The following DAAM1 variants were observed in gnomAD, a reference collection of about 807,000 sequenced individuals.
DAAM1 encodes the protein disheveled-associated activator of morphogenesis 1.
DAAM1 carries 52 observed loss-of-function variants against 130.0 expected under a neutral mutation model. The observed-to-expected ratio is 0.40, with a 90% CI of 0.32 to 0.50. The LOEUF is 0.50. Ranked by LOEUF, DAAM1 falls within the 20% of genes least tolerant of loss-of-function variation. The probability of loss-of-function intolerance (pLI) is 0.61; values close to 1 mark genes in which losing one functional copy is unlikely to be tolerated. For synonymous variants in DAAM1, 452 were observed against 444.5 expected (o/e 1.02, Z -0.21); for missense variants, 1,134 against 1,303.8 (o/e 0.87, Z 2.01).
At chr14:59,362,967 G>A (rs965353656) in intron 22 of DAAM1, 6 of 152,394 alleles carry the variant, frequency 3.9e-5, no homozygotes, top group Admixed American at 3.9e-4. Context: ...CTCACTCATA[G>A]GGATGTTGTG....
intron 15 of DAAM1, chr14:59,338,406 T>G (rs1566711833): frequency 6.2e-7 from 1 of 1,613,750 alleles, no homozygotes. Flanking sequence ...GAACAGTAAC[T>G]CCAAGCAGGT....
chr14:59,253,291 A>G (rs527265569), intron 1 of DAAM1, among the ~76,000 whole-genome samples: 3 of 152,188 alleles, frequency 2.0e-5, no homozygotes, highest in Non-Finnish European at 4.4e-5. Flanking sequence ...GCGGCTGCCT[A>G]TGTGATATTG....
chr14:59,197,917 GA>G (rs1887956756), intron 1 of DAAM1, among the ~76,000 whole-genome samples: 1 of 152,148 alleles, frequency 6.6e-6, no homozygotes, highest in Non-Finnish European at 1.5e-5. Context: ...CTTAGAATGA[GA>G]GCTGTGAGGC....
chr14:59,324,534 G>T, intron 8 of DAAM1, 80 bp downstream of exon 8: 2 of 792,480 alleles, frequency 2.5e-6, no homozygotes, highest in Non-Finnish European at 1.8e-6. Flanking sequence ...GTGCTGGCCT[G>T]TGGTTACTTG....
rs1888984949 is a variant in DAAM1 at position 59,227,707 on chromosome 14, T to C, written c.-37-35734T>C. 2.0e-5 allele frequency among the ~76,000 whole-genome samples: 3 copies of C among 152,178 alleles called. No homozygotes were observed. In the South Asian group the frequency reaches 6.2e-4, roughly 32 times the overall value. ...ACATGATTAGGAGAAGCTGTTCACA[T>C]TGTAAGCCCTTTCACTAAACTTGAT... On this transcript the variant is annotated intron_variant, in intron 1 of 24. Coordinates refer to ENST00000360909, the MANE Select transcript of DAAM1 (RefSeq NM_001270520.2).
chr14:59,350,581 T>C (rs2139666592), intron 17 of DAAM1, among the ~76,000 whole-genome samples: 1 of 152,216 alleles, frequency 6.6e-6, no homozygotes, highest in African/African-American at 2.4e-5. Flanking sequence ...GCTCACTTTC[T>C]ACCCACTCTG....
intron 23 of DAAM1, among the ~76,000 whole-genome samples, chr14:59,364,047 G>A (rs1886817702): frequency 6.6e-6 from 1 of 152,186 alleles, no homozygotes; most frequent in Admixed American, 6.5e-5. Context: ...GACCTTGAAG[G>A]CTCTGAATGG....
At chr14:59,287,797 C>T (rs1275409241) in intron 2 of DAAM1, among the ~76,000 whole-genome samples, 1 of 152,142 alleles carries the variant, frequency 6.6e-6, no homozygotes, top group East Asian at 1.9e-4. Flanking sequence ...GAAAAACATT[C>T]CCTGCTCATG....
At chr14:59,358,512 T>C (rs1471861902) in intron 20 of DAAM1, among the ~76,000 whole-genome samples, 1 of 152,236 alleles carries the variant, frequency 6.6e-6, no homozygotes, top group Non-Finnish European at 1.5e-5. Flanking sequence ...GGGGGCTTTC[T>C]AACTTTCTGA....
At chr14:59,269,139 T>C (rs2139517839) in intron 2 of DAAM1, among the ~76,000 whole-genome samples, 1 of 152,332 alleles carries the variant, frequency 6.6e-6, no homozygotes, top group South Asian at 2.1e-4. Context: ...TTGATGATGT[T>C]GTGGAGCTGA....
intron 15 of DAAM1, 93 bp downstream of exon 15, chr14:59,332,013 G>A (rs1037441325): frequency 4.0e-5 from 43 of 1,084,628 alleles, no homozygotes; most frequent in South Asian, 1.7e-4. Flanking sequence ...TGATGTGACC[G>A]GCATATGAAT....
chr14:59,366,490 C>T (rs1886921167), intron 23 of DAAM1, among the ~76,000 whole-genome samples: 1 of 152,144 alleles, frequency 6.6e-6, no homozygotes, highest in South Asian at 2.1e-4. Context: ...ACTTCAAAGA[C>T]AAGTTAAAAG....
chr14:59,227,518 TA>T (rs1366298034), intron 1 of DAAM1, among the ~76,000 whole-genome samples: 1 of 152,226 alleles, frequency 6.6e-6, no homozygotes, highest in Non-Finnish European at 1.5e-5. Context: ...TTCCAACACC[TA>T]ATATTCCTAT....
chr14:59,259,771 G>T (rs12888410), intron 1 of DAAM1, among the ~76,000 whole-genome samples: 28,482 of 152,212 alleles, frequency 0.19, 3,163 homozygotes, highest in Non-Finnish European at 0.25. Flanking sequence ...TAGGCCGGGC[G>T]TGGTGGCTCA....
Position 59,324,346 on chromosome 14 carries a change from T to C in DAAM1, c.886-5T>C, listed in dbSNP as rs1163952023. 3 of 1,561,368 alleles carry C rather than the reference T, an allele frequency of 1.9e-6. No homozygotes were observed. The highest frequency in any genetic ancestry group is 2.7e-5 in the African/African-American group (2 of 73,494). On this transcript the variant is annotated splice_polypyrimidine_tract_variant and splice_region_variant and intron_variant, in intron 7 of 24. Coordinates refer to ENST00000360909, the MANE Select transcript of DAAM1 (RefSeq NM_001270520.2). ...ATATGTATTTTATTGCCATTTTACT[T>C]TCAGGAGAGTTTGGACTTTAGACTT... is the stretch of plus-strand genomic sequence containing the variant.
intron 16 of DAAM1, among the ~76,000 whole-genome samples, 192 bp downstream of exon 16, chr14:59,340,372 C>A (rs1446900065): frequency 1.3e-5 from 2 of 152,176 alleles, no homozygotes; most frequent in Non-Finnish European, 1.5e-5. Flanking sequence ...TGGATGCCTT[C>A]TTTCTCAAAG....
intron 1 of DAAM1, among the ~76,000 whole-genome samples, chr14:59,214,389 C>T (rs1367751928): frequency 5.3e-5 from 8 of 152,244 alleles, no homozygotes; most frequent in Admixed American, 3.9e-4. Context: ...TTCTTCCTTG[C>T]TCTCCTCAGG....
At chr14:59,203,826 T>C (rs1330017872) in intron 1 of DAAM1, among the ~76,000 whole-genome samples, 1 of 152,250 alleles carries the variant, frequency 6.6e-6, no homozygotes, top group Non-Finnish European at 1.5e-5. Context: ...TTTTGCAGCA[T>C]GTTTCTGCTG....
rs398025271 is a variant in DAAM1 at position 59,370,144 on chromosome 14, C to CTT, written c.*1310_*1311dup. ...TATAAAGAGGACTGTTACTTTTTTA[C>CTT]TTTTTTTTTTTTTTTTTTTTTTTTT... On this transcript the variant is annotated 3_prime_UTR_variant, in exon 25 of 25. Coordinates refer to ENST00000360909, the MANE Select transcript of DAAM1 (RefSeq NM_001270520.2). 2 of 95,376 alleles carry CTT rather than the reference C, an allele frequency of 2.1e-5. No homozygotes were observed. Among genetic ancestry groups the CTT allele is most frequent in the East Asian group, 3.2e-4 (1 of 3,166 alleles). The allele number at this position is 95,376 out of a possible 1,614,324, so 5.9% of individuals were successfully genotyped here. A position where few individuals can be genotyped will look rare whatever the true frequency, so the allele number is the denominator to read the frequency against.
Sources: allele counts gnomAD v4.1 joint callset (sites outside exome capture counted in the v4.1 genomes callset), GRCh38; gene constraint gnomAD v4.1.1; transcripts MANE v1.5; gene names NCBI Gene and HGNC (gene_info 2026-07-23, HGNC 2026-07-21).